The following CDH11 variants were observed in gnomAD, a reference collection of about 807,000 sequenced individuals.
CDH11 encodes the protein cadherin-11.
Under a neutral mutation model 67.8 loss-of-function variants are expected in CDH11, and 11 were observed. That is an observed-to-expected ratio of 0.16 (90% CI 0.10 to 0.27). CDH11 has a LOEUF of 0.27. Ranked by LOEUF, CDH11 falls within the 10% of genes least tolerant of loss-of-function variation. CDH11 has a pLI of 1.00. For missense variants in CDH11, 847 were observed against 1,031.2 expected, an observed-to-expected ratio of 0.82 and a Z score of 2.45; for synonymous variants, 419 against 400.0, an observed-to-expected ratio of 1.05 and a Z score of -0.57.
At chr16:65,032,134 A>C (rs1485904169) in intron 2 of CDH11, among the ~76,000 whole-genome samples, 1 of 152,160 alleles carries the variant, frequency 6.6e-6, no homozygotes, top group Non-Finnish European at 1.5e-5. Context: ...TGAGTTAGAA[A>C]CAGGAATGAT....
chr16:64,996,610 C>A (rs1197612257), intron 4 of CDH11, among the ~76,000 whole-genome samples: 1 of 152,114 alleles, frequency 6.6e-6, no homozygotes, highest in Non-Finnish European at 1.5e-5. Context: ...TATTGCAGCA[C>A]TATTCACAAT....
chr16:65,062,372 A>T (rs2074246853), intron 1 of CDH11, among the ~76,000 whole-genome samples: 1 of 152,152 alleles, frequency 6.6e-6, no homozygotes, highest in Non-Finnish European at 1.5e-5. Flanking sequence ...GCAAACACAC[A>T]CACACACAGA....
At chr16:65,086,101 A>G (rs192564741) in intron 1 of CDH11, among the ~76,000 whole-genome samples, 5 of 152,336 alleles carry the variant, frequency 3.3e-5, no homozygotes, top group Admixed American at 6.5e-5. Context: ...CAAAGGCATC[A>G]TTTGCCAATG....
At chr16:65,081,776 T>C (rs1487547976) in intron 1 of CDH11, among the ~76,000 whole-genome samples, 1 of 152,222 alleles carries the variant, frequency 6.6e-6, no homozygotes, top group African/African-American at 2.4e-5. Flanking sequence ...GAATACATTC[T>C]AAAATAAAAT....
chr16:64,986,039 G>A (rs1295697855), intron 7 of CDH11: 1 of 151,736 alleles, frequency 6.6e-6, no homozygotes, highest in Non-Finnish European at 1.5e-5. Context: ...AATAAATTAG[G>A]AAATAAATAA....
At chr16:65,001,591 T>C (rs955947561) in intron 3 of CDH11, among the ~76,000 whole-genome samples, 2 of 152,198 alleles carry the variant, frequency 1.3e-5, no homozygotes, top group Non-Finnish European at 2.9e-5. Context: ...ACATGTGAAT[T>C]TGGCAAGTTT....
At chr16:65,088,240 T>A (rs1057272141) in intron 1 of CDH11, among the ~76,000 whole-genome samples, 4 of 152,260 alleles carry the variant, frequency 2.6e-5, no homozygotes, top group African/African-American at 9.6e-5. Flanking sequence ...GATCTTGAAG[T>A]TCCTATCCTC....
chr16:65,082,126 A>G (rs2074621303), intron 1 of CDH11, among the ~76,000 whole-genome samples: 1 of 152,266 alleles, frequency 6.6e-6, no homozygotes, highest in Non-Finnish European at 1.5e-5. Flanking sequence ...CTGCTTGCCC[A>G]CCTACATTCT....
At chr16:65,047,486 G>A (rs929857464) in intron 2 of CDH11, among the ~76,000 whole-genome samples, 3 of 151,790 alleles carry the variant, frequency 2.0e-5, no homozygotes. Context: ...CGAGCAGCTG[G>A]GACTACAGGC....
intron 1 of CDH11, among the ~76,000 whole-genome samples, chr16:65,096,443 G>A (rs3046154): frequency 0.44 from 60,201 of 138,322 alleles, 12,897 homozygotes; most frequent in Middle Eastern, 0.49. Context: ...GTGTGTGTGT[G>A]TATATATATG....
intron 2 of CDH11, among the ~76,000 whole-genome samples, chr16:65,030,027 G>T (rs141439012): frequency 2.0e-5 from 3 of 152,116 alleles, no homozygotes; most frequent in Admixed American, 6.6e-5. Flanking sequence ...TTTTCAAAAG[G>T]CACTTTGTGC....
At chr16:65,044,210 T>C (rs1295571555) in intron 2 of CDH11, among the ~76,000 whole-genome samples, 1 of 152,134 alleles carries the variant, frequency 6.6e-6, no homozygotes, top group Non-Finnish European at 1.5e-5. Flanking sequence ...CTCCAATAGA[T>C]GGCATGGTAT....
chr16:65,083,622 T>C (rs553019361), intron 1 of CDH11, among the ~76,000 whole-genome samples: 1 of 152,202 alleles, frequency 6.6e-6, no homozygotes, highest in South Asian at 2.1e-4. Flanking sequence ...GCAAGACATA[T>C]CTTGACACAA....
chr16:64,997,932 T>C (rs2072815275), intron 4 of CDH11, among the ~76,000 whole-genome samples: 1 of 152,206 alleles, frequency 6.6e-6, no homozygotes, highest in African/African-American at 2.4e-5. Flanking sequence ...ATGAGGAATG[T>C]TTCTCAAAAG....
In CDH11 at chr16:65,068,100, C is replaced by T. The variant is rs1352882181; in HGVS notation, c.-297-14172G>A. Among the ~76,000 whole-genome samples the T allele has an allele frequency of 6.6e-5, 5 of 75,778 alleles. No individual in the cohort carries two copies. The South Asian group carries it at 1.6e-3, about 25-fold the overall frequency. 49.7% of individuals were successfully genotyped at this position (75,778 alleles called of 152,430 possible). ...GAAGGAGAGAGAGAAGAAAGAAAGG[C>T]GGGAAGGAGGGATGAAAGGAGGGAG... is the stretch of plus-strand genomic sequence containing the variant. On this transcript the variant is annotated intron_variant, in intron 1 of 12. Transcript: ENST00000268603.
In CDH11 at chr16:64,947,742, A is replaced by T. The variant is rs2071232704; in HGVS notation, c.2252T>A (p.Val751Glu). 1 of 1,614,016 alleles carries T rather than the reference A, an allele frequency of 6.2e-7. No individual in the cohort carries two copies. The highest frequency in any genetic ancestry group is 1.3e-5 in the African/African-American group (1 of 74,938). Residue 751 changes from valine (V) to glutamate (E), a missense_variant, in exon 13 of 13, where the codon GTG becomes GAG. This residue lies in a region of CDH11 where 612 missense variants were observed against 678.7 expected (regional missense o/e 0.90). Coordinates refer to ENST00000268603, the MANE Select transcript of CDH11 (RefSeq NM_001797.4). ...CTCTAGGGAGCTCAGGGACCCGGCC[A>T]CTGAGCCCCTGCCTTCATAACCGTA... The part of the protein sequence containing the change: ...QIYGYEGRGS[V>E]AGSLSSLESA...
Position 65,111,574 on chromosome 16 carries a change from C to T in CDH11, c.-298+10306G>A, listed in dbSNP as rs188120760. On this transcript the variant is annotated intron_variant, in intron 1 of 12. Transcript: ENST00000268603. ...GCAATAAAAGCTAATGTAATGTAGC[C>T]TCAGGCTGCAATAAAAGAAGTGTGT... Among the ~76,000 whole-genome samples, 3 of 151,944 alleles carry T rather than the reference C, an allele frequency of 2.0e-5. No individual in the cohort carries two copies. In the South Asian group the frequency reaches 6.2e-4, roughly 32 times the overall value.
At chr16:65,111,109 C>G (rs1293288592) in intron 1 of CDH11, among the ~76,000 whole-genome samples, 1 of 152,134 alleles carries the variant, frequency 6.6e-6, no homozygotes, top group Non-Finnish European at 1.5e-5. Context: ...GGAGGGATGA[C>G]AGATATGCTG....
At position 65,050,688 on chromosome 16, in the gene CDH11, T is replaced by G. The variant is rs150640816; in HGVS notation, c.-173+3116A>C. ...ATTCCTGCTGTTTTATGTTTTGTTT[T>G]GTTTTTTAAAGGTTTCATGCCACCA... On this transcript the variant is annotated intron_variant, in intron 2 of 12. Transcript: ENST00000268603. 2.2e-4 allele frequency among the ~76,000 whole-genome samples: 34 copies of G among 152,322 alleles called. No homozygotes were observed. In the East Asian group the frequency reaches 6.4e-3, roughly 28 times the overall value.
Sources: gnomAD v4.1 joint callset for allele counts (sites outside exome capture counted in the v4.1 genomes callset) on GRCh38, gnomAD v4.1.1 for gene constraint, gnomAD v4.1.1 regional missense constraint, MANE v1.5 for transcripts, NCBI Gene and HGNC (gene_info 2026-07-23, HGNC 2026-07-21) for gene names.